Variants in FNBP1 observed in about 807,000 individuals in gnomAD.
The protein encoded by FNBP1 is formin-binding protein 1.
FNBP1 carries 26 observed loss-of-function variants against 90.6 expected under a neutral mutation model. That is an observed-to-expected ratio of 0.29 (90% CI 0.21 to 0.40). FNBP1 has a LOEUF of 0.40. FNBP1 is among the 10% of genes least tolerant of loss of function. The pLI, the probability that FNBP1 is intolerant of heterozygous loss-of-function variation, is 1.00. For missense variants in FNBP1, 635 were observed against 768.0 expected, an observed-to-expected ratio of 0.83 and a Z score of 2.05; for synonymous variants, 260 against 265.2, an observed-to-expected ratio of 0.98 and a Z score of 0.19.
At chr9:130,048,746 G>A in the FNBP1 span, among the ~76,000 whole-genome samples, 5 of 149,780 alleles carry the variant, frequency 3.3e-5, no homozygotes, top group East Asian at 2.0e-4. Flanking sequence ...CCAAAGTGCT[G>A]GGATTACAGG....
chr9:130,015,748 C>T (rs188600674), intron 1 of FNBP1, among the ~76,000 whole-genome samples: 1 of 152,300 alleles, frequency 6.6e-6, no homozygotes, highest in African/African-American at 2.4e-5. Flanking sequence ...AATTTCGGCT[C>T]GCTGTAACCT....
Position 129,958,545 on chromosome 9 carries a change from G to A in FNBP1, c.354C>T (p.His118=), listed in dbSNP as rs540680192. The A allele has an allele frequency of 1.6e-5, 25 of 1,594,388 alleles. No individual in the cohort carries two copies. The African/African-American group carries it at 1.7e-4, about 11-fold the overall frequency. ...ELKQERKSNF[H]DGRKAQQHIE... The stretch of plus-strand genomic sequence containing the variant: ...TGTGCTGCTGTGCTTTACGGCCATC[G>A]TGAAAGTTCTGCAAAGGGGAAAACA... Residue 118 remains histidine, a synonymous_variant, in exon 5 of 17, where the codon CAC becomes CAT. Coordinates refer to ENST00000446176, the MANE Select transcript of FNBP1 (RefSeq NM_015033.3).
At chr9:129,962,855 T>C (rs2048025491) in intron 4 of FNBP1, among the ~76,000 whole-genome samples, 1 of 151,946 alleles carries the variant, frequency 6.6e-6, no homozygotes, top group South Asian at 2.1e-4. Context: ...GTATAGAAAA[T>C]ACAAGCGGGT....
intron 1 of FNBP1, among the ~76,000 whole-genome samples, chr9:130,002,772 G>A (rs117049665): frequency 0.024 from 3,675 of 152,206 alleles, 85 homozygotes; most frequent in Middle Eastern, 0.051. Flanking sequence ...TTGCCAAGAG[G>A]ACTACAAATG....
chr9:129,971,144 G>A (rs564489270), intron 4 of FNBP1, among the ~76,000 whole-genome samples: 37 of 151,450 alleles, frequency 2.4e-4, no homozygotes, highest in African/African-American at 7.5e-4. Context: ...GCCCACCTCC[G>A]CCTCCCAAAG....
At chr9:129,933,162 G>T (rs1027238105) in intron 6 of FNBP1, among the ~76,000 whole-genome samples, 6 of 152,084 alleles carry the variant, frequency 3.9e-5, no homozygotes, top group African/African-American at 1.4e-4. Context: ...AATAACTTAA[G>T]ATCTCAAACA....
intron 6 of FNBP1, among the ~76,000 whole-genome samples, chr9:129,953,868 T>G (rs1051905213): frequency 1.3e-4 from 20 of 151,482 alleles, no homozygotes; most frequent in Admixed American, 9.9e-4. Context: ...AAAATAAAAA[T>G]AGAAAAGGGA....
chr9:130,032,716 G>A (rs1266845973), intron 1 of FNBP1, among the ~76,000 whole-genome samples: 4 of 151,446 alleles, frequency 2.6e-5, no homozygotes, highest in Non-Finnish European at 4.4e-5. Flanking sequence ...TTTTAGGTGA[G>A]GAAATAATGT....
chr9:129,918,398 A>G (rs2040576965), intron 10 of FNBP1, among the ~76,000 whole-genome samples: 1 of 152,210 alleles, frequency 6.6e-6, no homozygotes, highest in African/African-American at 2.4e-5. Flanking sequence ...AGATTTCATT[A>G]AGTGCATTGC....
Position 129,888,677 on chromosome 9 carries a change from T to TTCACC in FNBP1, c.*1857_*1861dup. 1 of 233,156 alleles carries TTCACC rather than the reference T, an allele frequency of 4.3e-6. No homozygotes were observed. Among genetic ancestry groups the TTCACC allele is most frequent in the Non-Finnish European group, 8.5e-6 (1 of 117,976 alleles). The allele number at this position is 233,156 out of a possible 1,614,324, so 14.4% of individuals were successfully genotyped here. On this transcript the variant is annotated 3_prime_UTR_variant, in exon 17 of 17. Transcript: ENST00000446176. ...TTTAAAAACCCAAAGCCACTTCCTC[T>TTCACC]TCACCTGCCTGGGCCTCAGCGTCTC... is the stretch of plus-strand genomic sequence containing the variant.
chr9:129,916,532 G>T (rs369944658), intron 10 of FNBP1, among the ~76,000 whole-genome samples: 1 of 151,514 alleles, frequency 6.6e-6, no homozygotes, highest in Non-Finnish European at 1.5e-5. Flanking sequence ...CAGGAGAATC[G>T]CTTGAACCTG....
At chr9:129,952,817 A>T (rs1238645606) in intron 6 of FNBP1, among the ~76,000 whole-genome samples, 3 of 152,178 alleles carry the variant, frequency 2.0e-5, no homozygotes, top group Non-Finnish European at 4.4e-5. Flanking sequence ...TACCATTATC[A>T]CTGTAATAGT....
At chr9:130,033,846 C>CA (rs36040639) in intron 1 of FNBP1, among the ~76,000 whole-genome samples, 44,730 of 103,440 alleles carry the variant, frequency 0.43, 9,487 homozygotes, top group East Asian at 0.77. Flanking sequence ...ACTAAAAATA[C>CA]AAAAAAAAAA....
At chr9:130,015,423 T>C (rs1370170138) in intron 1 of FNBP1, among the ~76,000 whole-genome samples, 1 of 152,124 alleles carries the variant, frequency 6.6e-6, no homozygotes, top group Non-Finnish European at 1.5e-5. Context: ...AATAAAACTA[T>C]TTAACAATCC....
At chr9:129,956,788 G>A (rs1211884325) in intron 6 of FNBP1, among the ~76,000 whole-genome samples, 4 of 152,174 alleles carry the variant, frequency 2.6e-5, no homozygotes, top group Admixed American at 6.5e-5. Flanking sequence ...CTTCTGGAAC[G>A]TTGTTCCCAG....
At position 130,041,123 on chromosome 9, in the gene FNBP1, C is replaced by T. The variant is rs922286207; in HGVS notation, c.24+1829G>A. ...AGGTGCTGGCAATATAGGCCTGAGCCACTGCGCCCGGCCTCTCTCATTTAT... is the reference window on the plus strand; with the variant it reads ...AGGTGCTGGCAATATAGGCCTGAGCTACTGCGCCCGGCCTCTCTCATTTAT... On this transcript the variant is annotated intron_variant, in intron 1 of 16. Coordinates refer to ENST00000446176, the MANE Select transcript of FNBP1 (RefSeq NM_015033.3). This position sits in a 1 kb window ranked among gnomAD's most constrained non-coding sequence, Gnocchi z 4.3. Among the ~76,000 whole-genome samples the T allele has an allele frequency of 2.6e-5, 4 of 151,846 alleles. No homozygotes were observed. Among genetic ancestry groups the T allele is most frequent in the Non-Finnish European group, 5.9e-5 (4 of 67,978 alleles).
intron 1 of FNBP1, among the ~76,000 whole-genome samples, chr9:130,034,227 C>A (rs1247024868): frequency 6.6e-6 from 1 of 150,534 alleles, no homozygotes; most frequent in Non-Finnish European, 1.5e-5. Context: ...GCAGGAGGAT[C>A]GCTTGAACTC....
chr9:129,946,930 T>C (rs1383236953), intron 6 of FNBP1, among the ~76,000 whole-genome samples: 1 of 152,180 alleles, frequency 6.6e-6, no homozygotes, highest in Non-Finnish European at 1.5e-5. Flanking sequence ...TTGATAACCT[T>C]TTCCTTTCTC....
At chr9:130,020,727 C>T (rs891364958) in intron 1 of FNBP1, among the ~76,000 whole-genome samples, 1 of 152,136 alleles carries the variant, frequency 6.6e-6, no homozygotes, top group Non-Finnish European at 1.5e-5. Flanking sequence ...CAATTCAAAC[C>T]TTAAGTTTCT....
Sources: gnomAD v4.1 joint callset for allele counts (sites outside exome capture counted in the v4.1 genomes callset) on GRCh38, gnomAD v4.1.1 for gene constraint, Gnocchi (gnomAD v3.1) non-coding constraint, MANE v1.5 for transcripts, NCBI Gene and HGNC (gene_info 2026-07-23, HGNC 2026-07-21) for gene names.